The following KCNH7 variants were observed in gnomAD, a reference collection of about 807,000 sequenced individuals.
KCNH7 encodes potassium voltage-gated channel subfamily H member 7, also known as voltage-gated inwardly rectifying potassium channel KCNH7.
KCNH7 carries 49 observed loss-of-function variants against 120.8 expected under a neutral mutation model. The ratio of observed to expected loss-of-function variants is 0.41; its 90% CI spans 0.32 to 0.51. KCNH7 has a LOEUF of 0.51. KCNH7 is among the 20% of genes least tolerant of loss of function. The pLI, the probability that KCNH7 is intolerant of heterozygous loss-of-function variation, is 0.38. For missense variants in KCNH7, 1,097 were observed against 1,446.6 expected (o/e 0.76, Z 3.92); for synonymous variants, 547 against 516.1 (o/e 1.06, Z -0.81).
rs573137623 is a variant in KCNH7 at position 162,754,051 on chromosome 2, GAAT to G, written c.307+82483_307+82485del. ...GATAAAACACTATCCAAATACAAGAGAATAATATAGTTTATTTATCAAATGATG... is the reference window on the plus strand; with the variant it reads ...GATAAAACACTATCCAAATACAAGAGAATATAGTTTATTTATCAAATGATG... On this transcript the variant is annotated intron_variant, in intron 2 of 15. Transcript: ENST00000332142. Among the ~76,000 whole-genome samples, 54 of 152,092 alleles carry G rather than the reference GAAT, an allele frequency of 3.6e-4. 1 individual carries two copies. The highest frequency in any genetic ancestry group is 2.3e-3 in the Admixed American group (35 of 15,276).
At chr2:162,822,777 T>C (rs1330384663) in intron 2 of KCNH7, among the ~76,000 whole-genome samples, 3 of 152,194 alleles carry the variant, frequency 2.0e-5, no homozygotes, top group Admixed American at 6.5e-5. Flanking sequence ...GATCATCCTA[T>C]AGCAATGGTT....
At chr2:162,763,963 G>A (rs1689056921) in intron 2 of KCNH7, among the ~76,000 whole-genome samples, 1 of 152,028 alleles carries the variant, frequency 6.6e-6, no homozygotes, top group Non-Finnish European at 1.5e-5. Context: ...GTCTATGTGT[G>A]TGAAATGTGT....
chr2:162,653,683 A>G (rs900356011), intron 2 of KCNH7, among the ~76,000 whole-genome samples: 1 of 152,236 alleles, frequency 6.6e-6, no homozygotes, highest in Non-Finnish European at 1.5e-5. Flanking sequence ...AAGAGCCCAA[A>G]TAGCAGAAGG....
intron 2 of KCNH7, among the ~76,000 whole-genome samples, chr2:162,656,281 A>T (rs1684757987): frequency 2.0e-5 from 3 of 152,214 alleles, no homozygotes; most frequent in Admixed American, 2.0e-4. Flanking sequence ...TTAGTCTTCT[A>T]AACATTCTAT....
chr2:162,492,104 C>T (rs972666948), intron 6 of KCNH7, among the ~76,000 whole-genome samples: 2 of 152,310 alleles, frequency 1.3e-5, no homozygotes, highest in African/African-American at 2.4e-5. Flanking sequence ...TCTGGCCTCC[C>T]TCTCCCTGTG....
intron 2 of KCNH7, among the ~76,000 whole-genome samples, chr2:162,643,826 A>AAG (rs1007890384): frequency 6.5e-5 from 8 of 123,644 alleles, no homozygotes; most frequent in Non-Finnish European, 1.0e-4. Flanking sequence ...AAAAAAAAAA[A>AAG]AAGAAGAAAA....
intron 2 of KCNH7, among the ~76,000 whole-genome samples, chr2:162,552,186 C>T (rs968419465): frequency 5.2e-4 from 79 of 152,260 alleles, no homozygotes; most frequent in African/African-American, 1.8e-3. Context: ...TAAGAAGTCT[C>T]CATAACTACC....
chr2:162,607,430 A>G (rs1682819974), intron 2 of KCNH7, among the ~76,000 whole-genome samples: 1 of 151,938 alleles, frequency 6.6e-6, no homozygotes, highest in African/African-American at 2.4e-5. Flanking sequence ...TTATGAAACT[A>G]TGAATAGTGA....
chr2:162,563,368 T>A (rs1341175844), intron 2 of KCNH7, among the ~76,000 whole-genome samples: 2 of 152,220 alleles, frequency 1.3e-5, no homozygotes, highest in African/African-American at 2.4e-5. Flanking sequence ...TTAATTACTT[T>A]ACCTTGTATT....
chr2:162,655,561 C>A (rs13422876), intron 2 of KCNH7, among the ~76,000 whole-genome samples: 1 of 151,260 alleles, frequency 6.6e-6, no homozygotes, highest in Admixed American at 6.6e-5. Flanking sequence ...CTGAGGTGGG[C>A]GGATCACGAG....
At chr2:162,452,153 G>T (rs1433898350) in intron 6 of KCNH7, among the ~76,000 whole-genome samples, 1 of 152,048 alleles carries the variant, frequency 6.6e-6, no homozygotes, top group African/African-American at 2.4e-5. Flanking sequence ...ACAATCCAGA[G>T]TTGGGGGAGA....
chr2:162,502,532 T>A (rs1054797303), intron 6 of KCNH7, among the ~76,000 whole-genome samples: 1 of 151,974 alleles, frequency 6.6e-6, no homozygotes, highest in African/African-American at 2.4e-5. Flanking sequence ...TAAAACACAA[T>A]CCCGTTTGAC....
At chr2:162,377,288 A>G (rs1686235812) in intron 14 of KCNH7, among the ~76,000 whole-genome samples, 2 of 152,148 alleles carry the variant, frequency 1.3e-5, no homozygotes, top group African/African-American at 2.4e-5. Context: ...GTGTGAAAAT[A>G]TCACAGATAA....
chr2:162,786,455 C>A lies in KCNH7; in HGVS notation c.307+50082G>T, dbSNP rs142513253. 1.4e-3 allele frequency among the ~76,000 whole-genome samples: 209 copies of A among 152,212 alleles called. 1 individual carries two copies. Among genetic ancestry groups the A allele is most frequent in the Non-Finnish European group, 2.1e-3 (145 of 68,016 alleles). ...GCCACACAATAAGCAAGTCACCAAG[C>A]CAGATATTGGACCCTGGGAATGCGA... is the stretch of plus-strand genomic sequence containing the variant. On this transcript the variant is annotated intron_variant, in intron 2 of 15. Transcript: ENST00000332142.
intron 2 of KCNH7, among the ~76,000 whole-genome samples, chr2:162,774,896 G>A (rs1376612162): frequency 6.6e-6 from 1 of 152,000 alleles, no homozygotes. Flanking sequence ...ATTTTCTATA[G>A]ACACTTTAAT....
intron 2 of KCNH7, among the ~76,000 whole-genome samples, chr2:162,730,105 A>C (rs1248809459): frequency 6.6e-6 from 1 of 151,882 alleles, no homozygotes; most frequent in Non-Finnish European, 1.5e-5. Context: ...TGGTTTAAAC[A>C]TTATATTAGA....
intron 2 of KCNH7, among the ~76,000 whole-genome samples, chr2:162,732,877 G>C (rs1687776325): frequency 6.6e-6 from 1 of 152,152 alleles, no homozygotes; most frequent in African/African-American, 2.4e-5. Flanking sequence ...TGTGGTCAGT[G>C]AGCCAGATTT....
At chr2:162,448,358 T>C (rs1416314850) in intron 6 of KCNH7, among the ~76,000 whole-genome samples, 1 of 152,118 alleles carries the variant, frequency 6.6e-6, no homozygotes, top group Non-Finnish European at 1.5e-5. Context: ...AGCTTTATTT[T>C]GGCTTTCAAA....
At chr2:162,610,696 C>T (rs879754004) in intron 2 of KCNH7, among the ~76,000 whole-genome samples, 6 of 152,120 alleles carry the variant, frequency 3.9e-5, no homozygotes, top group Admixed American at 3.3e-4. Flanking sequence ...CTCATCTCTG[C>T]TAAGGTACTG....
Sources: gnomAD v4.1 joint callset for allele counts (sites outside exome capture counted in the v4.1 genomes callset) on GRCh38, gnomAD v4.1.1 for gene constraint, MANE v1.5 for transcripts, NCBI Gene and HGNC (gene_info 2026-07-23, HGNC 2026-07-21) for gene names.